The following MGAT1 variants were observed in gnomAD, a reference collection of about 807,000 sequenced individuals.
MGAT1 encodes the protein N-glycosyl-oligosaccharide-glycoprotein N-acetylglucosaminyltransferase I.
In MGAT1, 14 loss-of-function variants were observed where a neutral mutation model predicts 31.7. The observed-to-expected ratio is 0.44, with a 90% CI of 0.29 to 0.69. The LOEUF is 0.69. Ranked by LOEUF, MGAT1 falls within the 30% of genes least tolerant of loss-of-function variation. MGAT1 has a pLI of 0.12. For missense variants in MGAT1, 557 were observed against 626.0 expected (o/e 0.89, Z 1.18); for synonymous variants, 338 against 276.0 (o/e 1.22, Z -2.23).
At chr5:180,797,437 G>C (rs907625938) in intron 1 of MGAT1, among the ~76,000 whole-genome samples, 48 of 146,848 alleles carry the variant, frequency 3.3e-4, no homozygotes, top group African/African-American at 8.1e-4. Context: ...AAAGGGGGGG[G>C]GGGCCCAGAG....
intron 1 of MGAT1, among the ~76,000 whole-genome samples, chr5:180,797,576 C>T (rs1017503836): frequency 1.3e-5 from 2 of 152,112 alleles, no homozygotes; most frequent in Admixed American, 6.5e-5. Context: ...ATTTGGTGGC[C>T]CACACCCACT....
chr5:180,792,926 G>C lies in MGAT1; in HGVS notation c.46C>G (p.Leu16Val). The stretch of plus-strand genomic sequence containing the variant: ...AGCAGGGCATTCCAGGCCACAAAGA[G>C]GATAGCGCCCCACAGCACAAGCCCT... ...SAGLVLWGAI[L>V]FVAWNALLLL... The change falls in exon 2 of 2, where the codon CTC becomes GTC. Residue 16 changes from leucine to valine, a missense_variant. Leu to Val is a conservative substitution (Grantham distance 32, BLOSUM62 1). Transcript: ENST00000307826. 2 of 1,613,260 alleles carry C rather than the reference G, an allele frequency of 1.2e-6. No individual in the cohort carries two copies. The highest frequency in any genetic ancestry group is 3.4e-4 in the Middle Eastern group (2 of 5,914).
At chr5:180,796,293 T>C (rs1769356097) in intron 1 of MGAT1, among the ~76,000 whole-genome samples, 1 of 152,098 alleles carries the variant, frequency 6.6e-6, no homozygotes, top group Non-Finnish European at 1.5e-5. Context: ...CACCAACCAC[T>C]TGTCTTCTTC....
rs72549459 is a variant in MGAT1 at position 180,791,117 on chromosome 5, C to T, written c.*517G>A. On this transcript the variant is annotated 3_prime_UTR_variant, in exon 2 of 2. Transcript: ENST00000307826. ...GAGAAGGGCAGGAGGCAGTGAGCCC[C>T]GATGACCCACCAACTCCACCAGGCC... 4.5e-3 allele frequency: 702 copies of T among 157,270 alleles called. 3 individuals are homozygous for T. Among genetic ancestry groups the T allele is most frequent in the Non-Finnish European group, 7.4e-3 (527 of 71,534 alleles). The allele number at this position is 157,270 out of a possible 1,614,324, so 9.7% of individuals were successfully genotyped here. A position where few individuals can be genotyped will look rare whatever the true frequency, so the allele number is the denominator to read the frequency against.
At chr5:180,793,198 T>C in intron 1 of MGAT1, 101 bp from the exon 2 acceptor site, 1 of 593,734 alleles carries the variant, frequency 1.7e-6, no homozygotes, top group Non-Finnish European at 2.9e-6. Flanking sequence ...AGAGTGAGGG[T>C]GGAGGAAGGC....
chr5:180,807,902 G>T (rs1053378919), intron 2 of MGAT1, among the ~76,000 whole-genome samples: 1 of 152,172 alleles, frequency 6.6e-6, no homozygotes, highest in Non-Finnish European at 1.5e-5. Flanking sequence ...TGCTTTTAAG[G>T]CACGTAGAGC....
intron 1 of MGAT1, among the ~76,000 whole-genome samples, chr5:180,793,782 GAAGAA>G (rs539954908): frequency 1.3e-5 from 2 of 152,228 alleles, no homozygotes; most frequent in East Asian, 3.9e-4. Context: ...TAACTCATGA[GAAGAA>G]AACATGGATG....
chr5:180,801,998 G>A (rs1770875951), intron 1 of MGAT1, among the ~76,000 whole-genome samples: 1 of 152,136 alleles, frequency 6.6e-6, no homozygotes, highest in East Asian at 1.9e-4. Flanking sequence ...TACACGGCCT[G>A]AAAAAATACC....
At chr5:180,798,374 C>G (rs1299921594) in intron 1 of MGAT1, among the ~76,000 whole-genome samples, 2 of 152,192 alleles carry the variant, frequency 1.3e-5, no homozygotes, top group African/African-American at 4.8e-5. Flanking sequence ...CTGGCACACT[C>G]TGATTCGTGT....
In MGAT1 at chr5:180,792,993, C is replaced by T. The variant is rs746372187; in HGVS notation, c.-22G>A. ...GCATCCTGGCCCCCACCGGGGAGGG[C>T]AGGCCAGGGGACGGTTCAAGGCTGC... On this transcript the variant is annotated 5_prime_UTR_variant, in exon 2 of 2. Transcript: ENST00000307826. 33 of 1,611,756 alleles carry T rather than the reference C, an allele frequency of 2.0e-5. No individual in the cohort carries two copies. The highest frequency in any genetic ancestry group is 3.3e-5 in the Admixed American group (2 of 59,918).
intron 1 of MGAT1, chr5:180,809,303 A>C (rs1425479862): frequency 6.6e-6 from 1 of 152,208 alleles, no homozygotes; most frequent in Non-Finnish European, 1.5e-5. Context: ...AACACATATA[A>C]TATAAACATA....
chr5:180,812,174 G>GT (rs1357097430), intron 1 of MGAT1, among the ~76,000 whole-genome samples: 1 of 152,210 alleles, frequency 6.6e-6, no homozygotes, highest in Non-Finnish European at 1.5e-5. Context: ...GGCTGCAACA[G>GT]TTGGCTGGCC....
Position 180,789,378 on chromosome 5 carries a change from G to A in MGAT1, c.*2256C>T, listed in dbSNP as rs1044547308. On this transcript the variant is annotated 3_prime_UTR_variant, in exon 2 of 2. Transcript: ENST00000307826. ...GGTCACTGCAACCACCCCGTCCCGG[G>A]TTCAAGCAATTCTCCTGCCTCAGCC... 5.9e-5 allele frequency: 9 copies of A among 152,362 alleles called. No individual in the cohort carries two copies. Among genetic ancestry groups the A allele is most frequent in the Non-Finnish European group, 1.2e-4 (8 of 68,170 alleles). 9.4% of individuals were successfully genotyped at this position (152,362 alleles called of 1,614,324 possible).
In MGAT1 at chr5:180,791,464, G is replaced by T. The variant is rs541002254; in HGVS notation, c.*170C>A. 6.2e-6 allele frequency: 5 copies of T among 802,398 alleles called. No individual in the cohort carries two copies. The highest frequency in any genetic ancestry group is 9.9e-6 in the Non-Finnish European group (5 of 506,602). The allele number at this position is 802,398 out of a possible 1,614,324, so 49.7% of individuals were successfully genotyped here. A position where few individuals can be genotyped will look rare whatever the true frequency, so the allele number is the denominator to read the frequency against. Reference sequence around the variant, plus strand: ...CCCCTGATCTGACTCCCTTGAGAACGGGAGAATAATCCTCTTGTTATCATT... The same window carrying T: ...CCCCTGATCTGACTCCCTTGAGAACTGGAGAATAATCCTCTTGTTATCATT... On this transcript the variant is annotated 3_prime_UTR_variant, in exon 2 of 2. Transcript: ENST00000307826.
Position 180,791,585 on chromosome 5 carries a change from C to T in MGAT1, c.*49G>A. The T allele has an allele frequency of 6.3e-7, 1 of 1,591,726 alleles. No individual in the cohort carries two copies. The highest frequency in any genetic ancestry group is 8.6e-7 in the Non-Finnish European group (1 of 1,168,142). ...ATGCAGCCTGGGGACTGTGGTCCCA[C>T]CTCAGCTCATGATGTGGCAAGGAGG... is the stretch of plus-strand genomic sequence containing the variant. On this transcript the variant is annotated 3_prime_UTR_variant, in exon 2 of 2. Transcript: ENST00000307826.
At chr5:180,798,025 G>C (rs537651649) in intron 1 of MGAT1, among the ~76,000 whole-genome samples, 1 of 152,180 alleles carries the variant, frequency 6.6e-6, no homozygotes, top group East Asian at 1.9e-4. Flanking sequence ...GGCCAGCAGC[G>C]GTGACCTGCT....
At chr5:180,793,239 G>C (rs1223080429) in intron 1 of MGAT1, 142 bp from the exon 2 acceptor site, 1 of 532,942 alleles carries the variant, frequency 1.9e-6, no homozygotes. Flanking sequence ...TCTCTAGGGA[G>C]TCAACATATA....
rs944783770 is a variant in MGAT1, at chr5:180,789,120, T to G, written c.*2514A>C. On this transcript the variant is annotated 3_prime_UTR_variant, in exon 2 of 2. Transcript: ENST00000307826. The stretch of plus-strand genomic sequence containing the variant: ...CCCGCTCCACACAAATCTCAAAGGT[T>G]AAAATAAAACCAATGTCTGACACTG... 1 of 152,248 alleles carries G rather than the reference T, an allele frequency of 6.6e-6. No homozygotes were observed. The highest frequency in any genetic ancestry group is 2.4e-5 in the African/African-American group (1 of 41,464). The allele number at this position is 152,248 out of a possible 1,614,324, so 9.4% of individuals were successfully genotyped here.
At chr5:180,798,527 C>G (rs957186841) in intron 1 of MGAT1, among the ~76,000 whole-genome samples, 2 of 152,230 alleles carry the variant, frequency 1.3e-5, no homozygotes, top group African/African-American at 4.8e-5. Context: ...TTGGCTCCAC[C>G]AGCACTGCCA....
Sources: allele counts gnomAD v4.1 joint callset (sites outside exome capture counted in the v4.1 genomes callset), GRCh38; gene constraint gnomAD v4.1.1; transcripts MANE v1.5; gene names NCBI Gene and HGNC (gene_info 2026-07-23, HGNC 2026-07-21).